The following OSBPL1A variants were observed in gnomAD, a reference collection of about 807,000 sequenced individuals.
OSBPL1A encodes the protein oxysterol-binding protein-related protein 1.
In OSBPL1A, 80 loss-of-function variants were observed where a neutral mutation model predicts 137.1. That is an observed-to-expected ratio of 0.58 (90% CI 0.49 to 0.70). The LOEUF is 0.70. OSBPL1A is among the 30% of genes least tolerant of loss of function. The pLI is 0.00. For synonymous variants in OSBPL1A, 365 were observed against 389.7 expected (o/e 0.94, Z 0.75); for missense variants, 970 against 1,129.4 (o/e 0.86, Z 2.02).
At chr18:24,176,119 G>T (rs1309775045) in intron 21 of OSBPL1A, among the ~76,000 whole-genome samples, 1 of 152,148 alleles carries the variant, frequency 6.6e-6, no homozygotes, top group East Asian at 1.9e-4. Context: ...AATTATTTTG[G>T]CTGTTCTGTC....
chr18:24,198,382 C>T (rs1286837264), intron 17 of OSBPL1A, among the ~76,000 whole-genome samples: 1 of 152,126 alleles, frequency 6.6e-6, no homozygotes, highest in Non-Finnish European at 1.5e-5. Context: ...CTGGGAATAT[C>T]CTATACTCAT....
At chr18:24,315,837 T>A (rs1463159374) in intron 11 of OSBPL1A, among the ~76,000 whole-genome samples, 1 of 118,672 alleles carries the variant, frequency 8.4e-6, no homozygotes, top group East Asian at 2.1e-4. Flanking sequence ...ATATAGTATA[T>A]ATTATATAAT....
chr18:24,386,940 G>C, intron 1 of OSBPL1A, among the ~76,000 whole-genome samples: 1 of 151,984 alleles, frequency 6.6e-6, no homozygotes, highest in Non-Finnish European at 1.5e-5. Flanking sequence ...CTGTGTGACA[G>C]AGTGAGACCC....
chr18:24,221,071 G>A (rs980545403), intron 17 of OSBPL1A, among the ~76,000 whole-genome samples: 3 of 152,148 alleles, frequency 2.0e-5, no homozygotes, highest in Admixed American at 6.5e-5. Context: ...ATGAGCCACC[G>A]TGCCTGGCCT....
Position 24,318,765 on chromosome 18 carries a change from T to C in OSBPL1A, c.670A>G (p.Ile224Val), listed in dbSNP as rs577904546. The change falls in exon 8 of 28, where the codon ATT becomes GTT. Residue 224 changes from isoleucine (I) to valine (V), a missense_variant. This residue lies in a region of OSBPL1A where 647 missense variants were observed against 672.6 expected (regional missense o/e 0.96). Coordinates refer to ENST00000319481, the MANE Select transcript of OSBPL1A (RefSeq NM_080597.4). Reference sequence around the variant, plus strand: ...CTCTGTACCTTATTACCAACAAGAATGTGTTTCATTTCAGCACCCTGGGCA... The same window carrying C: ...CTCTGTACCTTATTACCAACAAGAACGTGTTTCATTTCAGCACCCTGGGCA... Reference protein sequence around the residue: ...DLAQGAEMKHILVGNKVIYKA... With the variant: ...DLAQGAEMKHVLVGNKVIYKA... 1.4e-5 allele frequency: 22 copies of C among 1,613,124 alleles called. No homozygotes were observed. The South Asian group carries it at 2.2e-4, about 16-fold the overall frequency.
intron 9 of OSBPL1A, 110 bp downstream of exon 9, chr18:24,318,491 G>T: frequency 1.1e-6 from 1 of 908,894 alleles, no homozygotes; most frequent in Non-Finnish European, 1.7e-6. Flanking sequence ...ATCCAAGAGC[G>T]ATTAAATCAC....
intron 4 of OSBPL1A, among the ~76,000 whole-genome samples, chr18:24,365,663 G>A (rs1274354248): frequency 6.6e-6 from 1 of 152,092 alleles, no homozygotes; most frequent in Non-Finnish European, 1.5e-5. Flanking sequence ...CCTGGGGCAT[G>A]GGAAAGGGGA....
At chr18:24,354,091 A>C (rs574596623) in intron 4 of OSBPL1A, among the ~76,000 whole-genome samples, 64 of 152,246 alleles carry the variant, frequency 4.2e-4, no homozygotes, top group Non-Finnish European at 7.6e-4. Flanking sequence ...AAAAAAAGAA[A>C]AACAACAATT....
rs1567915882 is a variant in OSBPL1A, at chr18:24,170,365, C to T, written c.2380G>A (p.Asp794Asn). The change falls in exon 24 of 28, where the codon GAT becomes AAT. Residue 794 changes from aspartate to asparagine, a missense_variant. Asp to Asn is a conservative substitution (Grantham distance 23). Transcript: ENST00000319481. ...TTCTTCTCTTCTGTATTTTTCTTAT[C>T]ATTTTTTTTGTAAGCGTCAAACGTG... ...PATFDAYKKNDKKNTEEKKNS... is the reference protein window; with the variant it reads ...PATFDAYKKNNKKNTEEKKNS... The T allele has an allele frequency of 6.2e-7, 1 of 1,614,102 alleles. No homozygotes were observed. The highest frequency in any genetic ancestry group is 8.5e-7 in the Non-Finnish European group (1 of 1,180,006).
intron 26 of OSBPL1A, 124 bp downstream of exon 26, chr18:24,166,455 C>T (rs1215387209): frequency 9.1e-6 from 11 of 1,208,622 alleles, no homozygotes; most frequent in Non-Finnish European, 1.2e-5. Context: ...TTAACTCAAA[C>T]TTAATCTCTA....
intron 13 of OSBPL1A, among the ~76,000 whole-genome samples, chr18:24,305,903 A>C (rs1316674251): frequency 1.3e-5 from 2 of 152,056 alleles, no homozygotes; most frequent in East Asian, 3.9e-4. Flanking sequence ...CTCCTCCTTC[A>C]CCTTCCACCA....
At chr18:24,207,247 C>T (rs1160037190) in intron 17 of OSBPL1A, among the ~76,000 whole-genome samples, 3 of 152,098 alleles carry the variant, frequency 2.0e-5, no homozygotes, top group Non-Finnish European at 4.4e-5. Context: ...TCATGCCTGG[C>T]TAATTTTTGT....
chr18:24,170,302 C>G (rs1288140614), intron 24 of OSBPL1A, 25 bp downstream of exon 24: 1 of 1,613,258 alleles, frequency 6.2e-7, no homozygotes. Flanking sequence ...GTTATTCCTT[C>G]GATACCACCT....
intron 7 of OSBPL1A, among the ~76,000 whole-genome samples, chr18:24,332,367 CAG>C (rs1353002504): frequency 1.8e-5 from 2 of 111,858 alleles, no homozygotes; most frequent in African/African-American, 3.7e-5. Context: ...GACTGGGCAA[CAG>C]AGAGAGACTC....
At chr18:24,233,627 C>A (rs1038008284) in intron 16 of OSBPL1A, among the ~76,000 whole-genome samples, 9 of 152,016 alleles carry the variant, frequency 5.9e-5, no homozygotes, top group Admixed American at 5.9e-4. Context: ...ATTTTTCTTT[C>A]TTTCTTTCTC....
In OSBPL1A at chr18:24,260,691, G is replaced by A. The variant is rs78231495; in HGVS notation, c.1281+20151C>T. On this transcript the variant is annotated intron_variant, in intron 15 of 27. Coordinates refer to ENST00000319481, the MANE Select transcript of OSBPL1A (RefSeq NM_080597.4). The stretch of plus-strand genomic sequence containing the variant: ...GTATTTAATGGGTACAGGGTTCCTT[G>A]TGGAATGATGAAAATGTTTTGGAAT... Among the ~76,000 whole-genome samples the A allele has an allele frequency of 4.6e-3, 699 of 152,232 alleles. 5 individuals carry two copies. Among genetic ancestry groups the A allele is most frequent in the African/African-American group, 0.016 (665 of 41,522 alleles).
intron 18 of OSBPL1A, among the ~76,000 whole-genome samples, chr18:24,191,863 G>C (rs577389052): frequency 6.6e-6 from 1 of 152,258 alleles, no homozygotes; most frequent in African/African-American, 2.4e-5. Context: ...CTATAGGAAG[G>C]ATAAAATGGA....
chr18:24,306,166 G>A (rs993518742), intron 13 of OSBPL1A, among the ~76,000 whole-genome samples: 17 of 152,118 alleles, frequency 1.1e-4, no homozygotes, highest in Non-Finnish European at 1.9e-4. Flanking sequence ...ACAAGAACAA[G>A]GATTAAACCC....
intron 21 of OSBPL1A, among the ~76,000 whole-genome samples, chr18:24,173,904 C>T (rs929292678): frequency 6.6e-6 from 1 of 152,212 alleles, no homozygotes; most frequent in Non-Finnish European, 1.5e-5. Context: ...CACTCCTAAT[C>T]CCTGGATCTC....
Sources: allele counts gnomAD v4.1 joint callset (sites outside exome capture counted in the v4.1 genomes callset), GRCh38; gene constraint gnomAD v4.1.1; regional missense constraint gnomAD v4.1.1; transcripts MANE v1.5; gene names NCBI Gene and HGNC (gene_info 2026-07-23, HGNC 2026-07-21).